Variants in CCDC73 observed in about 807,000 individuals in gnomAD.
The protein encoded by CCDC73 is coiled-coil domain-containing protein 73.
In CCDC73, 95 loss-of-function variants were observed where a neutral mutation model predicts 116.5. The observed-to-expected ratio is 0.82, with a 90% CI of 0.69 to 0.97. The LOEUF (loss-of-function observed/expected upper bound fraction) is 0.97, where lower values mean the gene tolerates loss of function less well. Among genes scored for constraint, CCDC73 ranks in the 50% least tolerant of loss-of-function variants. The pLI is 0.00. For missense variants in CCDC73, 1,066 were observed against 1,206.8 expected, an observed-to-expected ratio of 0.88 and a Z score of 1.73; for synonymous variants, 398 against 401.3, an observed-to-expected ratio of 0.99 and a Z score of 0.10.
rs1406926610 is a variant in CCDC73, at chr11:32,603,143, C to T, written c.3031-123G>A. ...CCATCTCTTGGCTGATTTCCACTAC[C>T]TTAGTAGTTCTGGCACCAGAAAAGT... On this transcript the variant is annotated intron_variant, in intron 17 of 17. Transcript: ENST00000335185. 5.7e-6 allele frequency: 4 copies of T among 701,392 alleles called. No individual in the cohort carries two copies. The Admixed American group carries it at 1.2e-4, about 22-fold the overall frequency. The allele number at this position is 701,392 out of a possible 1,614,324, so 43.4% of individuals were successfully genotyped here.
At chr11:32,660,781 C>T (rs79851266) in intron 9 of CCDC73, among the ~76,000 whole-genome samples, 4,550 of 152,100 alleles carry the variant, frequency 0.03, 88 homozygotes, top group Non-Finnish European at 0.04. Flanking sequence ...GTTGTGATAT[C>T]GCACCACTGC....
chr11:32,631,627 G>T (rs1288302760), intron 14 of CCDC73, among the ~76,000 whole-genome samples: 3 of 151,308 alleles, frequency 2.0e-5, no homozygotes, highest in Admixed American at 6.6e-5. Flanking sequence ...GAAGGGAAGG[G>T]ACGGGAAAGG....
At chr11:32,801,653 A>G in the CCDC73 span, among the ~76,000 whole-genome samples, 1 of 148,014 alleles carries the variant, frequency 6.8e-6, no homozygotes. Context: ...AAAAAAAAAA[A>G]CAAACACTAA....
Position 32,667,120 on chromosome 11 carries a change from T to C in CCDC73, c.645+8445A>G, listed in dbSNP as rs573058113. 3.9e-5 allele frequency among the ~76,000 whole-genome samples: 6 copies of C among 152,340 alleles called. No individual in the cohort carries two copies. In the East Asian group the frequency reaches 9.6e-4, roughly 24 times the overall value. On this transcript the variant is annotated intron_variant, in intron 9 of 17. Transcript: ENST00000335185. ...GGCTACTCGGAGGTCAGGGACCCACTTGAGGAGGCAGTCTGTCCATTCTCA... is the reference window on the plus strand; with the variant it reads ...GGCTACTCGGAGGTCAGGGACCCACCTGAGGAGGCAGTCTGTCCATTCTCA...
chr11:32,613,394 G>A lies in CCDC73; in HGVS notation c.2896+28C>T, dbSNP rs373559418. ...AAGAATAAGTAGAAAAATATTTTGAGAATTAAAACATTACTTTGTTTTCTT... is the reference window on the plus strand; with the variant it reads ...AAGAATAAGTAGAAAAATATTTTGAAAATTAAAACATTACTTTGTTTTCTT... On this transcript the variant is annotated intron_variant, in intron 16 of 17. Transcript: ENST00000335185. The A allele has an allele frequency of 2.6e-6, 4 of 1,524,752 alleles. No individual in the cohort carries two copies. The East Asian group carries it at 9.1e-5, about 35-fold the overall frequency. The allele number at this position is 1,524,752 out of a possible 1,614,324, so 94.5% of individuals were successfully genotyped here. A position where few individuals can be genotyped will look rare whatever the true frequency, so the allele number is the denominator to read the frequency against.
chr11:32,724,668 AT>A (rs1428000884), intron 2 of CCDC73, among the ~76,000 whole-genome samples: 1 of 152,030 alleles, frequency 6.6e-6, no homozygotes, highest in African/African-American at 2.4e-5. Context: ...CACAGAGCTT[AT>A]TTTTCTACAT....
chr11:32,761,776 C>T (rs535888159), intron 1 of CCDC73, among the ~76,000 whole-genome samples: 1 of 152,206 alleles, frequency 6.6e-6, no homozygotes, highest in Non-Finnish European at 1.5e-5. Context: ...CACACACACA[C>T]GCAGAGAGAG....
chr11:32,800,808 A>G, the CCDC73 span, among the ~76,000 whole-genome samples: 7 of 152,232 alleles, frequency 4.6e-5, no homozygotes, highest in African/African-American at 1.7e-4. Context: ...TAAGCACCTG[A>G]GTAGATAGTA....
Position 32,635,765 on chromosome 11 carries a change from AT to A in CCDC73, c.1115del (p.His372LeufsTer29). On this transcript the variant is annotated frameshift_variant, in exon 14 of 18. Coordinates refer to ENST00000335185, the MANE Select transcript of CCDC73 (RefSeq NM_001008391.4). LOFTEE classifies it high-confidence loss of function. ...KNELSSLKET[H>X]IKLQEHYNKL... ...TGTTATAATGTTCTTGTAACTTAAT[AT>A]GAGTTTCTTTAAGGGATGATAATTC... The A allele has an allele frequency of 7.8e-7, 1 of 1,277,026 alleles. No homozygotes were observed. Among genetic ancestry groups the A allele is most frequent in the Non-Finnish European group, 1.0e-6 (1 of 987,450 alleles). The allele number at this position is 1,277,026 out of a possible 1,614,324, so 79.1% of individuals were successfully genotyped here.
intron 7 of CCDC73, among the ~76,000 whole-genome samples, chr11:32,677,967 A>C (rs1456067193): frequency 1.3e-4 from 19 of 149,674 alleles, no homozygotes; most frequent in East Asian, 7.9e-4. Context: ...AAAAAAAAAA[A>C]AAAAAAAAAA....
chr11:32,714,311 A>C (rs1449680834), intron 3 of CCDC73, among the ~76,000 whole-genome samples: 1 of 152,108 alleles, frequency 6.6e-6, no homozygotes, highest in Non-Finnish European at 1.5e-5. Flanking sequence ...AAACTTGTTA[A>C]GAGTTTGCCC....
intron 1 of CCDC73, among the ~76,000 whole-genome samples, chr11:32,766,425 C>T (rs1237652331): frequency 2.0e-5 from 3 of 152,172 alleles, no homozygotes; most frequent in Non-Finnish European, 4.4e-5. Context: ...TCTCACCACT[C>T]CTATTCAACA....
chr11:32,769,173 C>T (rs923697305), intron 1 of CCDC73, among the ~76,000 whole-genome samples: 2 of 152,164 alleles, frequency 1.3e-5, no homozygotes, highest in Non-Finnish European at 2.9e-5. Flanking sequence ...GATATACACC[C>T]TTTATCTGTG....
intron 15 of CCDC73, 34 bp downstream of exon 15, chr11:32,615,905 CA>C (rs1377789145): frequency 1.4e-6 from 2 of 1,469,604 alleles, no homozygotes; most frequent in Middle Eastern, 1.9e-4. Flanking sequence ...TATCAACATA[CA>C]AATTAGAAAA....
At chr11:32,761,723 T>C (rs1850393738) in intron 1 of CCDC73, among the ~76,000 whole-genome samples, 1 of 152,158 alleles carries the variant, frequency 6.6e-6, no homozygotes, top group African/African-American at 2.4e-5. Context: ...TATGTATATA[T>C]GTGCAAAAGA....
intron 3 of CCDC73, among the ~76,000 whole-genome samples, chr11:32,711,658 A>G (rs1394532324): frequency 6.6e-6 from 1 of 152,226 alleles, no homozygotes; most frequent in Non-Finnish European, 1.5e-5. Flanking sequence ...CACTGGGTAC[A>G]GTGTAGACTG....
At chr11:32,776,498 T>G (rs551711726) in intron 1 of CCDC73, among the ~76,000 whole-genome samples, 5 of 152,212 alleles carry the variant, frequency 3.3e-5, no homozygotes, top group African/African-American at 1.2e-4. Context: ...CCTTACTGTC[T>G]CCTACTAATC....
At position 32,772,869 on chromosome 11, in the gene CCDC73, T is replaced by A. The variant is rs1410148681; in HGVS notation, c.-15-12611A>T. 3.9e-5 allele frequency among the ~76,000 whole-genome samples: 6 copies of A among 152,278 alleles called. No homozygotes were observed. The East Asian group carries it at 9.6e-4, about 24-fold the overall frequency. ...AACTGCTGGTGGGAATATAAAATGG[T>A]GCAACCAGAAAACAGCCCAGGTAGT... On this transcript the variant is annotated intron_variant, in intron 1 of 17. Coordinates refer to ENST00000335185, the MANE Select transcript of CCDC73 (RefSeq NM_001008391.4).
chr11:32,747,318 G>T (rs1218466976), intron 2 of CCDC73, among the ~76,000 whole-genome samples: 2 of 152,100 alleles, frequency 1.3e-5, no homozygotes, highest in South Asian at 2.1e-4. Flanking sequence ...CCCAGAGGGA[G>T]GGGCACCTGC....
Sources: allele counts gnomAD v4.1 joint callset (sites outside exome capture counted in the v4.1 genomes callset), GRCh38; gene constraint gnomAD v4.1.1; transcripts MANE v1.5; gene names NCBI Gene and HGNC (gene_info 2026-07-23, HGNC 2026-07-21).